Variants in SLC17A8 observed in about 807,000 individuals in gnomAD.
SLC17A8 encodes solute carrier family 17 member 8, also known as vesicular glutamate transporter 3.
Under a neutral mutation model 58.0 loss-of-function variants are expected in SLC17A8, and 31 were observed. The observed-to-expected ratio is 0.53, with a 90% confidence interval of 0.40 to 0.72. The LOEUF is 0.72. Ranked by LOEUF, SLC17A8 falls within the 30% of genes least tolerant of loss-of-function variation. SLC17A8 has a pLI of 0.00. For synonymous variants in SLC17A8, 228 were observed against 249.0 expected (o/e 0.92, Z 0.79); for missense variants, 655 against 727.8 (o/e 0.90, Z 1.15).
chr12:100,388,553 G>A (rs528002567), intron 2 of SLC17A8, among the ~76,000 whole-genome samples: 1 of 152,174 alleles, frequency 6.6e-6, no homozygotes, highest in African/African-American at 2.4e-5. Flanking sequence ...AGAGAGTATA[G>A]GCCAAAGTGG....
At position 100,396,353 on chromosome 12, in the gene SLC17A8, T is replaced by C. The variant is rs147615087; in HGVS notation, c.612T>C (p.His204=). Residue 204 remains histidine, a synonymous_variant, in exon 5 of 12, where the codon CAT becomes CAC. Coordinates refer to ENST00000323346, the MANE Select transcript of SLC17A8 (RefSeq NM_139319.3). ...AGGGTGTGACCTACCCAGCCTGCCA[T>C]GGGATGTGGAGTAAGTGGGCACCAC... is the stretch of plus-strand genomic sequence containing the variant. ...LVEGVTYPAC[H]GMWSKWAPPL... is the part of the protein sequence containing the mutation. The C allele has an allele frequency of 2.2e-5, 35 of 1,614,134 alleles. No homozygotes were observed. The highest frequency in any genetic ancestry group is 2.8e-5 in the Non-Finnish European group (33 of 1,180,002).
chr12:100,376,006 G>A (rs539559771), intron 1 of SLC17A8, among the ~76,000 whole-genome samples: 43 of 152,186 alleles, frequency 2.8e-4, no homozygotes, highest in African/African-American at 8.7e-4. Flanking sequence ...AGGTCCTTAC[G>A]GTAGGCCCTA....
intron 5 of SLC17A8, among the ~76,000 whole-genome samples, chr12:100,401,534 T>C (rs1952791296): frequency 6.6e-6 from 1 of 152,086 alleles, no homozygotes; most frequent in African/African-American, 2.4e-5. Context: ...CAAACTGTGA[T>C]GCTGGAGCAA....
At chr12:100,392,030 C>T (rs1952720264) in intron 3 of SLC17A8, among the ~76,000 whole-genome samples, 1 of 152,030 alleles carries the variant, frequency 6.6e-6, no homozygotes, top group Non-Finnish European at 1.5e-5. Context: ...TTCTCTGTCA[C>T]CGGAGGTATT....
intron 1 of SLC17A8, among the ~76,000 whole-genome samples, chr12:100,369,972 C>A (rs1206326728): frequency 1.3e-5 from 2 of 152,182 alleles, no homozygotes; most frequent in Non-Finnish European, 2.9e-5. Context: ...AATTGAGAGC[C>A]AATTGTAGCC....
At position 100,407,011 on chromosome 12, in the gene SLC17A8, T is replaced by A. The variant is rs148830335; in HGVS notation, c.1186+2841T>A. Among the ~76,000 whole-genome samples the A allele has an allele frequency of 9.9e-4, 151 of 152,258 alleles. 2 individuals carry two copies. Among genetic ancestry groups the A allele is most frequent in the East Asian group, 7.0e-3 (36 of 5,162 alleles). On this transcript the variant is annotated intron_variant, in intron 9 of 11. Coordinates refer to ENST00000323346, the MANE Select transcript of SLC17A8 (RefSeq NM_139319.3). ...TTTCTAAATTCTCAGAGCCAACAGT[T>A]CTCATCTTTAAATTACATAATAATA...
rs535454431 is a variant in SLC17A8 at position 100,414,671 on chromosome 12, G to T, written c.1297+1791G>T. Among the ~76,000 whole-genome samples the T allele has an allele frequency of 6.6e-5, 10 of 152,314 alleles. No homozygotes were observed. In the East Asian group the frequency reaches 1.2e-3, roughly 18 times the overall value. The stretch of plus-strand genomic sequence containing the variant: ...CCATCCCCATAAAGTTTACATTCTA[G>T]TGGAAATACTTATTCAAATAAAAAC... On this transcript the variant is annotated intron_variant, in intron 10 of 11. Coordinates refer to ENST00000323346, the MANE Select transcript of SLC17A8 (RefSeq NM_139319.3).
chr12:100,382,481 A>G (rs935058327), intron 2 of SLC17A8, among the ~76,000 whole-genome samples: 8 of 152,212 alleles, frequency 5.3e-5, no homozygotes, highest in African/African-American at 1.9e-4. Flanking sequence ...ACACCCCATA[A>G]ATGCATGTTT....
At chr12:100,379,053 C>A (rs1402558099) in intron 1 of SLC17A8, among the ~76,000 whole-genome samples, 2 of 152,184 alleles carry the variant, frequency 1.3e-5, no homozygotes, top group Non-Finnish European at 2.9e-5. Context: ...ACACAGTAGG[C>A]GCTCAATATA....
chr12:100,391,055 T>C lies in SLC17A8; in HGVS notation c.409T>C (p.Phe137Leu). The stretch of plus-strand genomic sequence containing the variant: ...AGTGGGCCTTATCCATGGATCTTTT[T>C]TCTGGGGCTATATTATGACACAAAT... ...ETVGLIHGSF[F>L]WGYIMTQIPG... Residue 137 changes from phenylalanine (F) to leucine (L), a missense_variant, in exon 3 of 12, where the codon TTC becomes CTC. By Grantham distance (22) the Phe-to-Leu change is conservative. Coordinates refer to ENST00000323346, the MANE Select transcript of SLC17A8 (RefSeq NM_139319.3). 1 of 1,614,046 alleles carries C rather than the reference T, an allele frequency of 6.2e-7. No individual in the cohort carries two copies. Among genetic ancestry groups the C allele is most frequent in the South Asian group, 1.1e-5 (1 of 91,080 alleles).
chr12:100,396,185 G>T, intron 4 of SLC17A8, 145 bp from the exon 5 acceptor site: 1 of 718,578 alleles, frequency 1.4e-6, no homozygotes, highest in South Asian at 1.5e-5. Context: ...TAGGAATTTG[G>T]TGGGGACACA....
At chr12:100,358,961 G>C (rs566904115) in intron 1 of SLC17A8, among the ~76,000 whole-genome samples, 19 of 152,168 alleles carry the variant, frequency 1.2e-4, no homozygotes, top group African/African-American at 4.3e-4. Flanking sequence ...GGGGAACATA[G>C]AGAGACCATG....
intron 1 of SLC17A8, among the ~76,000 whole-genome samples, chr12:100,362,344 A>C (rs1311766200): frequency 6.6e-6 from 1 of 151,776 alleles, no homozygotes; most frequent in African/African-American, 2.4e-5. Flanking sequence ...GAGGTGGTCC[A>C]CTCGGACATC....
chr12:100,413,867 G>A (rs898539335), intron 10 of SLC17A8, among the ~76,000 whole-genome samples: 1 of 152,048 alleles, frequency 6.6e-6, no homozygotes, highest in Non-Finnish European at 1.5e-5. Flanking sequence ...GTCCCAGTTA[G>A]TCAGGAGGTT....
At chr12:100,376,065 G>A (rs909908109) in intron 1 of SLC17A8, among the ~76,000 whole-genome samples, 2 of 152,120 alleles carry the variant, frequency 1.3e-5, no homozygotes, top group African/African-American at 4.8e-5. Context: ...GGGACACACG[G>A]ATACATAGAA....
intron 9 of SLC17A8, among the ~76,000 whole-genome samples, chr12:100,406,783 G>A (rs912470492): frequency 6.6e-6 from 1 of 152,100 alleles, no homozygotes; most frequent in Non-Finnish European, 1.5e-5. Context: ...TAATCCGCCC[G>A]CCTCGGCCTT....
chr12:100,392,086 T>C (rs571837999), intron 3 of SLC17A8, among the ~76,000 whole-genome samples: 6 of 152,278 alleles, frequency 3.9e-5, no homozygotes, highest in African/African-American at 1.4e-4. Context: ...GTAGAATGTA[T>C]CATGTATTAG....
intron 9 of SLC17A8, among the ~76,000 whole-genome samples, chr12:100,412,483 T>C (rs962860172): frequency 2.6e-5 from 4 of 151,626 alleles, no homozygotes; most frequent in Non-Finnish European, 4.4e-5. Flanking sequence ...ACCTAGATGA[T>C]GGGTTGATAG....
chr12:100,407,603 G>GTT (rs1952836117), intron 9 of SLC17A8, among the ~76,000 whole-genome samples: 1 of 150,984 alleles, frequency 6.6e-6, no homozygotes, highest in African/African-American at 2.4e-5. Flanking sequence ...TTGTTTGTTT[G>GTT]TTTTGTTTTG....
Sources: allele counts gnomAD v4.1 joint callset (sites outside exome capture counted in the v4.1 genomes callset), GRCh38; gene constraint gnomAD v4.1.1; transcripts MANE v1.5; gene names NCBI Gene and HGNC (gene_info 2026-07-23, HGNC 2026-07-21).